The following MAP2K1 variants were observed in gnomAD, a reference collection of about 807,000 sequenced individuals.
The protein encoded by MAP2K1 is dual specificity mitogen-activated protein kinase kinase 1.
A neutral mutation model predicts 46.3 loss-of-function variants in MAP2K1; 16 were observed. That is an observed-to-expected ratio of 0.35 (90% CI 0.23 to 0.52). The LOEUF (loss-of-function observed/expected upper bound fraction) is 0.52. Among genes scored for constraint, MAP2K1 ranks in the 20% least tolerant of loss-of-function variants. The probability of loss-of-function intolerance (pLI) is 0.94; values close to 1 mark genes in which losing one functional copy is unlikely to be tolerated. For missense variants in MAP2K1, 263 were observed against 497.1 expected, an observed-to-expected ratio of 0.53 and a Z score of 4.48; for synonymous variants, 183 against 185.6, an observed-to-expected ratio of 0.99 and a Z score of 0.11.
At chr15:66,413,955 CTTT>C (rs71450104) in intron 1 of MAP2K1, among the ~76,000 whole-genome samples, 41 of 98,222 alleles carry the variant, frequency 4.2e-4, no homozygotes, top group Non-Finnish European at 8.5e-4. Flanking sequence ...GGTGAAGGGA[CTTT>C]TTTTTTTTTA....
At chr15:66,436,675 C>G (rs2140582729) in intron 2 of MAP2K1, 71 bp from the exon 3 acceptor site, 1 of 1,449,980 alleles carries the variant, frequency 6.9e-7, no homozygotes, top group Non-Finnish European at 9.7e-7. Context: ...AAACATTTAA[C>G]AAGACTATAT....
At chr15:66,396,192 A>G (rs1188673291) in intron 1 of MAP2K1, among the ~76,000 whole-genome samples, 2 of 152,046 alleles carry the variant, frequency 1.3e-5, no homozygotes, top group East Asian at 1.9e-4. Context: ...TTTTAGTACA[A>G]AATTTAAAAA....
intron 1 of MAP2K1, among the ~76,000 whole-genome samples, chr15:66,418,325 G>A (rs1352440509): frequency 6.6e-6 from 1 of 152,106 alleles, no homozygotes; most frequent in Non-Finnish European, 1.5e-5. Flanking sequence ...GAGTTATGAG[G>A]TTTAACTGAT....
intron 1 of MAP2K1, among the ~76,000 whole-genome samples, chr15:66,405,935 A>G (rs1296337697): frequency 6.6e-6 from 1 of 152,242 alleles, no homozygotes; most frequent in Non-Finnish European, 1.5e-5. Context: ...GACCAACTTC[A>G]AACAGTTCAA....
At chr15:66,458,963 T>C (rs1308569649) in intron 5 of MAP2K1, among the ~76,000 whole-genome samples, 4 of 152,160 alleles carry the variant, frequency 2.6e-5, no homozygotes, top group East Asian at 3.9e-4. Flanking sequence ...TAGAGAGTTA[T>C]GTAAAAACGG....
chr15:66,484,939 C>G (rs867297622), intron 6 of MAP2K1, 51 bp from the exon 7 acceptor site: 2 of 1,474,782 alleles, frequency 1.4e-6, no homozygotes, highest in Non-Finnish European at 1.9e-6. Flanking sequence ...ATTAGCAGAC[C>G]CAGGGGTCCA....
intron 5 of MAP2K1, among the ~76,000 whole-genome samples, chr15:66,459,237 C>T (rs1176283770): frequency 1.3e-5 from 2 of 149,244 alleles, no homozygotes; most frequent in Admixed American, 6.7e-5. Context: ...TGCTTGAACC[C>T]GGGAGTCTGA....
At chr15:66,419,168 C>A (rs1037620425) in intron 1 of MAP2K1, among the ~76,000 whole-genome samples, 2 of 151,032 alleles carry the variant, frequency 1.3e-5, no homozygotes, top group African/African-American at 4.9e-5. Context: ...TTTTTTCCCC[C>A]CTCTCCCTCC....
chr15:66,443,259 GTC>G lies in MAP2K1; in HGVS notation c.439-19_439-18del, dbSNP rs751939652. On this transcript the variant is annotated intron_variant, in intron 3 of 10. Transcript: ENST00000307102. ...ATAGTTAGAACATTGTCACTAACTG[GTC>G]TGGTATTCTCGATCTTAGGATGGAG... 1.4e-6 allele frequency: 2 copies of G among 1,476,706 alleles called. No homozygotes were observed. Among genetic ancestry groups the G allele is most frequent in the Non-Finnish European group, 1.9e-6 (2 of 1,054,744 alleles). 91.5% of individuals were successfully genotyped at this position (1,476,706 alleles called of 1,614,324 possible). A position where few individuals can be genotyped will look rare whatever the true frequency, so the allele number is the denominator to read the frequency against.
At chr15:66,479,110 T>C (rs1051153277) in intron 5 of MAP2K1, among the ~76,000 whole-genome samples, 3 of 151,914 alleles carry the variant, frequency 2.0e-5, no homozygotes, top group Non-Finnish European at 4.4e-5. Context: ...TTTTTTTTTT[T>C]GGAGACAGAG....
At chr15:66,476,247 G>A (rs1251244047) in intron 5 of MAP2K1, among the ~76,000 whole-genome samples, 1 of 152,212 alleles carries the variant, frequency 6.6e-6, no homozygotes, top group Non-Finnish European at 1.5e-5. Context: ...CCAGCCAGCT[G>A]CTGGGGACCC....
intron 1 of MAP2K1, among the ~76,000 whole-genome samples, chr15:66,413,740 G>T (rs1293603438): frequency 6.6e-6 from 1 of 152,098 alleles, no homozygotes; most frequent in Admixed American, 6.5e-5. Context: ...GCAAGGCATT[G>T]TGACACATGC....
chr15:66,416,005 C>T (rs576478087), intron 1 of MAP2K1, among the ~76,000 whole-genome samples: 1 of 152,308 alleles, frequency 6.6e-6, no homozygotes, highest in South Asian at 2.1e-4. Context: ...CCCCACTCGC[C>T]TTCTAAACCT....
intron 1 of MAP2K1, among the ~76,000 whole-genome samples, chr15:66,409,846 T>C (rs182124227): frequency 2.6e-5 from 4 of 152,294 alleles, no homozygotes; most frequent in South Asian, 2.1e-4. Flanking sequence ...TAGAATTACA[T>C]TGTGGTTTTT....
chr15:66,405,143 G>A (rs907969997), intron 1 of MAP2K1, among the ~76,000 whole-genome samples: 5 of 152,158 alleles, frequency 3.3e-5, no homozygotes, highest in Non-Finnish European at 5.9e-5. Flanking sequence ...GGAAAATTAA[G>A]CTCAGGGAAG....
rs1891807915 is a variant in MAP2K1, at chr15:66,444,441, G to A, written c.517-215G>A. Among the ~76,000 whole-genome samples the A allele has an allele frequency of 3.3e-5, 5 of 152,098 alleles. No individual in the cohort carries two copies. In the South Asian group the frequency reaches 1.0e-3, roughly 32 times the overall value. On this transcript the variant is annotated intron_variant, in intron 4 of 10. Transcript: ENST00000307102. ...CCAGCTACTCAGGGGGCTGAGGCAG[G>A]AGAATCACTTGAACCCGGGAGGTGG...
chr15:66,452,602 C>T (rs1156304310), intron 5 of MAP2K1, among the ~76,000 whole-genome samples: 2 of 152,190 alleles, frequency 1.3e-5, no homozygotes, highest in East Asian at 3.8e-4. Context: ...CAGTCTACCA[C>T]TATGCAAGGA....
At position 66,444,517 on chromosome 15, in the gene MAP2K1, G is replaced by T. The variant is rs138624109; in HGVS notation, c.517-139G>T. Reference sequence around the variant, plus strand: ...CATTGCATTCCAGCCTGGGCAACAAGAGTGAAACTGCGTCTCAAAGGAGGA... The same window carrying T: ...CATTGCATTCCAGCCTGGGCAACAATAGTGAAACTGCGTCTCAAAGGAGGA... On this transcript the variant is annotated intron_variant, in intron 4 of 10. Coordinates refer to ENST00000307102, the MANE Select transcript of MAP2K1 (RefSeq NM_002755.4). 4.3e-3 allele frequency: 2,999 copies of T among 701,806 alleles called. 42 individuals are homozygous for T. The highest frequency in any genetic ancestry group is 0.042 in the African/African-American group (2,369 of 56,596). The allele number at this position is 701,806 out of a possible 1,614,324, so 43.5% of individuals were successfully genotyped here.
chr15:66,434,903 C>T, intron 1 of MAP2K1, 124 bp from the exon 2 acceptor site: 2 of 776,448 alleles, frequency 2.6e-6, no homozygotes, highest in East Asian at 2.5e-5. Flanking sequence ...GGCCTCCTCT[C>T]TAGCCTCCCA....
Sources: gnomAD v4.1 joint callset for allele counts (sites outside exome capture counted in the v4.1 genomes callset) on GRCh38, gnomAD v4.1.1 for gene constraint, MANE v1.5 for transcripts, NCBI Gene and HGNC (gene_info 2026-07-23, HGNC 2026-07-21) for gene names.